STOX2: variants seen among roughly 807,000 people sequenced by gnomAD.
The protein encoded by STOX2 is storkhead box 2.
STOX2 carries 28 observed loss-of-function variants against 60.9 expected under a neutral mutation model. The observed-to-expected ratio is 0.46, with a 90% CI of 0.34 to 0.63. STOX2 has a LOEUF of 0.63. Ranked by LOEUF, STOX2 falls within the 30% of genes least tolerant of loss-of-function variation. The probability of loss-of-function intolerance (pLI) is 0.01; values close to 1 mark genes in which losing one functional copy is unlikely to be tolerated. For synonymous variants in STOX2, 472 were observed against 463.9 expected (o/e 1.02, Z -0.22); for missense variants, 1,024 against 1,187.7 (o/e 0.86, Z 2.03).
chr4:183,948,875 T>A (rs17363480), intron 1 of STOX2, among the ~76,000 whole-genome samples: 36,815 of 152,000 alleles, frequency 0.24, 4,852 homozygotes, highest in Middle Eastern at 0.37. Flanking sequence ...ACTTACCAGG[T>A]TGCTATTATG....
intron 1 of STOX2, among the ~76,000 whole-genome samples, chr4:183,829,355 A>ACGTGGAAAAAAGC (rs1418209499): frequency 6.6e-6 from 1 of 152,206 alleles, no homozygotes; most frequent in African/African-American, 2.4e-5. Flanking sequence ...AAAAGACAGA[A>ACGTGGAAAAAAGC]CGTGGAAAAA....
intron 1 of STOX2, among the ~76,000 whole-genome samples, chr4:183,973,483 T>C (rs540797026): frequency 1.3e-5 from 2 of 152,312 alleles, no homozygotes; most frequent in South Asian, 4.1e-4. Context: ...GGAACACTAT[T>C]TTTAAAATAA....
intron 1 of STOX2, among the ~76,000 whole-genome samples, chr4:183,839,430 A>C (rs1282265718): frequency 1.3e-5 from 2 of 152,212 alleles, no homozygotes; most frequent in African/African-American, 4.8e-5. Flanking sequence ...GAATTAAAAC[A>C]CACACACAAC....
At chr4:183,968,300 G>A (rs1743637687) in intron 1 of STOX2, among the ~76,000 whole-genome samples, 1 of 148,992 alleles carries the variant, frequency 6.7e-6, no homozygotes, top group Non-Finnish European at 1.5e-5. Flanking sequence ...CACCATTACT[G>A]CATTAAAAAA....
chr4:184,019,054 T>C lies in STOX2; in HGVS notation c.*1770T>C, dbSNP rs780234311. On this transcript the variant is annotated 3_prime_UTR_variant, in exon 4 of 4. Coordinates refer to ENST00000308497, the MANE Select transcript of STOX2 (RefSeq NM_020225.3). ...AATCTGTTTAAAGAATCCAGTCCTA[T>C]ACACAGTTGGACTCATTCTTGAAAC... 1 of 152,244 alleles carries C rather than the reference T, an allele frequency of 6.6e-6. No individual in the cohort carries two copies. The highest frequency in any genetic ancestry group is 1.5e-5 in the Non-Finnish European group (1 of 68,040). The allele number at this position is 152,244 out of a possible 1,614,324, so 9.4% of individuals were successfully genotyped here. A position where few individuals can be genotyped will look rare whatever the true frequency, so the allele number is the denominator to read the frequency against.
chr4:183,889,703 G>A (rs1741162640), intron 1 of STOX2, among the ~76,000 whole-genome samples: 2 of 152,214 alleles, frequency 1.3e-5, no homozygotes, highest in African/African-American at 4.8e-5. Flanking sequence ...GGACTTGAAT[G>A]GGGTCTGCTG....
intron 1 of STOX2, among the ~76,000 whole-genome samples, chr4:183,953,219 G>C (rs1026410071): frequency 2.0e-5 from 3 of 152,106 alleles, no homozygotes; most frequent in Non-Finnish European, 4.4e-5. Context: ...TTTCCCAGAT[G>C]GATTTTACCA....
intron 1 of STOX2, among the ~76,000 whole-genome samples, chr4:183,810,683 G>A (rs1208057403): frequency 6.6e-6 from 1 of 151,930 alleles, no homozygotes; most frequent in Non-Finnish European, 1.5e-5. Context: ...CTTGGGAGTG[G>A]GTTCTGGATA....
Position 184,020,413 on chromosome 4 carries a change from C to T in STOX2, c.*3129C>T, listed in dbSNP as rs1461167921. ...TGTTAAAAGTTCTCTGGCGAAGAGC[C>T]AATGGGTGAACGTAATTGAAAGAGC... On this transcript the variant is annotated 3_prime_UTR_variant, in exon 4 of 4. Coordinates refer to ENST00000308497, the MANE Select transcript of STOX2 (RefSeq NM_020225.3). 6.6e-6 allele frequency: 1 copy of T among 151,762 alleles called. No individual in the cohort carries two copies. The highest frequency in any genetic ancestry group is 1.5e-5 in the Non-Finnish European group (1 of 67,988). The allele number at this position is 151,762 out of a possible 1,614,324, so 9.4% of individuals were successfully genotyped here. A position where few individuals can be genotyped will look rare whatever the true frequency, so the allele number is the denominator to read the frequency against.
intron 1 of STOX2, among the ~76,000 whole-genome samples, chr4:183,858,915 T>C (rs1407406161): frequency 6.6e-6 from 1 of 152,258 alleles, no homozygotes; most frequent in African/African-American, 2.4e-5. Context: ...CATTTCAGTG[T>C]ACTGTACACA....
chr4:183,987,409 T>C (rs931109551), intron 1 of STOX2, among the ~76,000 whole-genome samples: 3 of 152,102 alleles, frequency 2.0e-5, no homozygotes, highest in Non-Finnish European at 4.4e-5. Flanking sequence ...CAGCCTGGGG[T>C]TCACAATGAG....
intron 1 of STOX2, among the ~76,000 whole-genome samples, chr4:183,952,816 A>G (rs1368016608): frequency 6.6e-6 from 1 of 152,212 alleles, no homozygotes; most frequent in Non-Finnish European, 1.5e-5. Flanking sequence ...ATACCAACGC[A>G]GGTATAAAGT....
At chr4:183,888,014 A>G (rs1028496557) in intron 1 of STOX2, among the ~76,000 whole-genome samples, 1 of 152,156 alleles carries the variant, frequency 6.6e-6, no homozygotes, top group African/African-American at 2.4e-5. Flanking sequence ...TTGGCCTCCC[A>G]AAGTGTTGGG....
chr4:183,821,778 C>T lies in STOX2; in HGVS notation c.364+23723C>T, dbSNP rs550871647. On this transcript the variant is annotated intron_variant, in intron 1 of 2. Transcript: ENST00000513034. This position sits in a 1 kb window ranked among gnomAD's most constrained non-coding sequence, Gnocchi z 4.2. ...AGCAGCCTCCCCCTCCACATCCCTG[C>T]GGAGCACCCATCCCTGTCCCTGTTC... Among the ~76,000 whole-genome samples the T allele has an allele frequency of 7.9e-5, 12 of 152,336 alleles. No homozygotes were observed. Among genetic ancestry groups the T allele is most frequent in the South Asian group, 6.2e-4 (3 of 4,832 alleles).
intron 1 of STOX2, among the ~76,000 whole-genome samples, chr4:183,873,238 G>A (rs1363334347): frequency 4.6e-5 from 7 of 152,092 alleles, no homozygotes; most frequent in African/African-American, 1.4e-4. Flanking sequence ...ACCTGAGGTC[G>A]GGAGTTCGAG....
At chr4:183,910,876 A>C (rs1454501484) in intron 1 of STOX2, among the ~76,000 whole-genome samples, 1 of 152,136 alleles carries the variant, frequency 6.6e-6, no homozygotes, top group Non-Finnish European at 1.5e-5. Flanking sequence ...ATTAGTTTTC[A>C]TTTTATAGAA....
chr4:183,944,970 C>A (rs1362166191), intron 1 of STOX2, among the ~76,000 whole-genome samples: 1 of 152,108 alleles, frequency 6.6e-6, no homozygotes, highest in African/African-American at 2.4e-5. Context: ...TTATTGAAGT[C>A]TTTTATTATG....
intron 1 of STOX2, among the ~76,000 whole-genome samples, chr4:183,838,311 TTAAA>T (rs1217999656): frequency 1.3e-5 from 2 of 151,142 alleles, no homozygotes; most frequent in Admixed American, 6.6e-5. Context: ...ATTGAAATAC[TTAAA>T]TAATTCAATA....
intron 1 of STOX2, chr4:183,798,576 G>T: frequency 1.0e-6 from 1 of 969,680 alleles, no homozygotes; most frequent in Middle Eastern, 5.3e-4. Flanking sequence ...TTGAGGCTGA[G>T]TGTTGCGCGC....
Sources: allele counts gnomAD v4.1 joint callset (sites outside exome capture counted in the v4.1 genomes callset), GRCh38; gene constraint gnomAD v4.1.1; non-coding constraint Gnocchi (gnomAD v3.1); transcripts MANE v1.5; gene names NCBI Gene and HGNC (gene_info 2026-07-23, HGNC 2026-07-21).